The following PER2 variants were observed in gnomAD, a reference collection of about 807,000 sequenced individuals.
PER2 encodes period circadian protein homolog 2.
Under a neutral mutation model 121.0 loss-of-function variants are expected in PER2, and 66 were observed. The observed-to-expected ratio is 0.55, with a 90% confidence interval of 0.45 to 0.67. The LOEUF (loss-of-function observed/expected upper bound fraction) is 0.67. Among genes scored for constraint, PER2 ranks in the 30% least tolerant of loss-of-function variants. PER2 has a pLI of 0.00. For synonymous variants in PER2, 684 were observed against 659.9 expected (o/e 1.04, Z -0.56); for missense variants, 1,521 against 1,635.0 (o/e 0.93, Z 1.20).
chr2:238,274,278 G>A (rs1322529373), intron 4 of PER2, among the ~76,000 whole-genome samples: 3 of 152,336 alleles, frequency 2.0e-5, no homozygotes, highest in African/African-American at 7.2e-5. Flanking sequence ...GAGCAAAGGG[G>A]CCAGCTCGAG....
Position 238,271,479 on chromosome 2 carries a change from CCA to C in PER2, c.603_604del (p.Gly202GlufsTer7). 6.2e-7 allele frequency: 1 copy of C among 1,613,964 alleles called. No individual in the cohort carries two copies. Among genetic ancestry groups the C allele is most frequent in the Non-Finnish European group, 8.5e-7 (1 of 1,179,902 alleles). ...CTGGTCAGAGATGTACAGGATCTTC[CCA>C]GACACCAGGGACACGGCCACCGCAA... On this transcript the variant is annotated frameshift_variant, in exon 6 of 23. Coordinates refer to ENST00000254657, the MANE Select transcript of PER2 (RefSeq NM_022817.3). LOFTEE classifies it high-confidence loss of function.
At chr2:238,265,892 G>A (rs1696080082) in intron 8 of PER2, among the ~76,000 whole-genome samples, 1 of 151,888 alleles carries the variant, frequency 6.6e-6, no homozygotes, top group African/African-American at 2.4e-5. Flanking sequence ...AAGCTGGAAG[G>A]CCATCTTTAC....
chr2:238,266,254 T>A (rs1022730162), intron 8 of PER2, among the ~76,000 whole-genome samples: 1 of 152,112 alleles, frequency 6.6e-6, no homozygotes, highest in Non-Finnish European at 1.5e-5. Flanking sequence ...ACATTATTTT[T>A]AGGAAAATGA....
chr2:238,286,986 T>C (rs1240496777), intron 1 of PER2, among the ~76,000 whole-genome samples: 2 of 152,200 alleles, frequency 1.3e-5, no homozygotes, highest in African/African-American at 2.4e-5. Context: ...AAATCATCTG[T>C]AGGGTAACAG....
intron 20 of PER2, 152 bp downstream of exon 20, chr2:238,251,447 T>C: frequency 1.4e-6 from 1 of 717,100 alleles, no homozygotes; most frequent in Admixed American, 2.0e-5. Context: ...ACAGGGAGAG[T>C]GTGTCTGTGT....
chr2:238,286,457 T>A (rs1574863949), intron 1 of PER2, among the ~76,000 whole-genome samples: 1 of 152,032 alleles, frequency 6.6e-6, no homozygotes, highest in East Asian at 1.9e-4. Flanking sequence ...TTGTTACAAA[T>A]GTGTACACGA....
Position 238,275,736 on chromosome 2 carries a change from G to A in PER2, c.448+7C>T, listed in dbSNP as rs201490137. On this transcript the variant is annotated splice_region_variant and intron_variant, in intron 4 of 22. Transcript: ENST00000254657. ...AGGTTTGGAGCAGATGTGCGAGGCC[G>A]ACGTACCTTTCACCTGCTTCACGCT... 6.8e-6 allele frequency: 11 copies of A among 1,613,206 alleles called. No homozygotes were observed. Among genetic ancestry groups the A allele is most frequent in the Middle Eastern group, 1.7e-4 (1 of 5,780 alleles).
upstream of PER2, among the ~76,000 whole-genome samples, chr2:238,291,885 C>T (rs750504619): frequency 3.3e-5 from 5 of 152,190 alleles, no homozygotes; most frequent in East Asian, 1.9e-4. Flanking sequence ...AGGTGGTTTG[C>T]GGACCGGTAT....
chr2:238,277,571 T>A, intron 2 of PER2, 136 bp downstream of exon 2: 1 of 1,038,194 alleles, frequency 9.6e-7, no homozygotes, highest in Non-Finnish European at 1.4e-6. Flanking sequence ...CACTGGCACA[T>A]TTTAGGTATT....
chr2:238,250,804 A>G (rs2106364965), intron 20 of PER2, 61 bp from the exon 21 acceptor site: 2 of 1,197,016 alleles, frequency 1.7e-6, no homozygotes, highest in East Asian at 2.3e-5. Context: ...ACCTTGCATA[A>G]TGTGCTTCCT....
rs1559328341 is a variant in PER2 at position 238,262,186 on chromosome 2, C to T, written c.1307+5G>A. The T allele has an allele frequency of 1.5e-5, 24 of 1,613,402 alleles. No homozygotes were observed. Among genetic ancestry groups the T allele is most frequent in the Non-Finnish European group, 1.9e-5 (23 of 1,179,978 alleles). Reference sequence around the variant, plus strand: ...TGAGCCACCTCGGGCCCTTGGAGCACTCACACCCTGACTTTGTGCCTCCCA... The same window carrying T: ...TGAGCCACCTCGGGCCCTTGGAGCATTCACACCCTGACTTTGTGCCTCCCA... On this transcript the variant is annotated splice_donor_5th_base_variant and intron_variant, in intron 11 of 22. Transcript: ENST00000254657.
chr2:238,245,140 CTT>C lies in PER2; in HGVS notation c.*1233_*1234del, dbSNP rs1317833954. The C allele has an allele frequency of 6.8e-6, 1 of 147,814 alleles. No individual in the cohort carries two copies. The highest frequency in any genetic ancestry group is 1.5e-5 in the Non-Finnish European group (1 of 68,052). 9.2% of individuals were successfully genotyped at this position (147,814 alleles called of 1,614,324 possible). ...TAAGTCAACTGTTCTTCAGTGATAACTTTGAATTTCCACCAGGGACCAATATT... is the reference window on the plus strand; with the variant it reads ...TAAGTCAACTGTTCTTCAGTGATAACTGAATTTCCACCAGGGACCAATATT... On this transcript the variant is annotated 3_prime_UTR_variant, in exon 23 of 23. Coordinates refer to ENST00000254657, the MANE Select transcript of PER2 (RefSeq NM_022817.3).
chr2:238,259,656 C>G lies in PER2; in HGVS notation c.1627+313G>C, dbSNP rs187518385. Among the ~76,000 whole-genome samples, 3 of 152,350 alleles carry G rather than the reference C, an allele frequency of 2.0e-5. No individual in the cohort carries two copies. In the East Asian group the frequency reaches 5.8e-4, roughly 29 times the overall value. ...CCCAGGCCGTGGCTCCCAGGCACAC[C>G]CTGCTGGCAGGCCAGGGTGCAGGAA... On this transcript the variant is annotated intron_variant, in intron 14 of 22. Coordinates refer to ENST00000254657, the MANE Select transcript of PER2 (RefSeq NM_022817.3).
At chr2:238,266,776 G>A (rs907016140) in intron 8 of PER2, among the ~76,000 whole-genome samples, 11 of 152,272 alleles carry the variant, frequency 7.2e-5, no homozygotes, top group South Asian at 2.1e-4. Context: ...GGTGGCTCGC[G>A]CCTGTAATCC....
At chr2:238,275,960 C>G in intron 3 of PER2, 63 bp from the exon 4 acceptor site, 1 of 1,567,770 alleles carries the variant, frequency 6.4e-7, no homozygotes. Context: ...CCTGAAGAAA[C>G]GTGCCTCTTG....
chr2:238,286,465 C>G (rs1397458956), intron 1 of PER2, among the ~76,000 whole-genome samples: 1 of 151,512 alleles, frequency 6.6e-6, no homozygotes, highest in African/African-American at 2.4e-5. Context: ...AATGTGTACA[C>G]GATGAGCATA....
chr2:238,281,808 T>A (rs970571837), intron 1 of PER2, among the ~76,000 whole-genome samples: 5 of 152,038 alleles, frequency 3.3e-5, no homozygotes, highest in African/African-American at 1.2e-4. Context: ...GAAATTTGAG[T>A]TCCCAGCAAC....
intron 21 of PER2, 131 bp from the exon 22 acceptor site, chr2:238,249,343 T>G: frequency 1.1e-6 from 1 of 902,450 alleles, no homozygotes; most frequent in Non-Finnish European, 1.7e-6. Context: ...AAAATTTTCA[T>G]TTAAGGTAAC....
intron 1 of PER2, 91 bp from the exon 2 acceptor site, chr2:238,278,046 T>C: frequency 7.4e-7 from 1 of 1,345,504 alleles, no homozygotes; most frequent in Middle Eastern, 2.5e-4. Context: ...TGACTCTTTC[T>C]GTTACTAATG....
Sources: allele counts gnomAD v4.1 joint callset (sites outside exome capture counted in the v4.1 genomes callset), GRCh38; gene constraint gnomAD v4.1.1; transcripts MANE v1.5; gene names NCBI Gene and HGNC (gene_info 2026-07-23, HGNC 2026-07-21).